Variants in STAT4 observed in about 807,000 individuals in gnomAD.
STAT4 encodes signal transducer and activator of transcription 4.
In STAT4, 42 loss-of-function variants were observed where a neutral mutation model predicts 110.5. That is an observed-to-expected ratio of 0.38 (90% CI 0.30 to 0.49). The LOEUF is 0.49. Among genes scored for constraint, STAT4 ranks in the 20% least tolerant of loss-of-function variants. The pLI is 0.95. For synonymous variants in STAT4, 284 were observed against 302.2 expected (o/e 0.94, Z 0.63); for missense variants, 632 against 887.9 (o/e 0.71, Z 3.66).
Position 191,060,951 on chromosome 2 carries a change from G to A in STAT4, c.1034+778C>T, listed in dbSNP as rs191347062. 2.1e-4 allele frequency among the ~76,000 whole-genome samples: 32 copies of A among 152,230 alleles called. No homozygotes were observed. The East Asian group carries it at 4.6e-3, about 22-fold the overall frequency. On this transcript the variant is annotated intron_variant, in intron 10 of 23. Coordinates refer to ENST00000392320, the MANE Select transcript of STAT4 (RefSeq NM_003151.4). The surrounding 1 kb of genome is among the most constrained non-coding windows in gnomAD (Gnocchi z 4.5). ...CCATGGCATCACCACCTCTTGACCTGTTAGTCTGTGGTTTCAGCTTTCCAG... is the reference window on the plus strand; with the variant it reads ...CCATGGCATCACCACCTCTTGACCTATTAGTCTGTGGTTTCAGCTTTCCAG...
rs3024839 is a variant in STAT4 at position 191,076,256 on chromosome 2, T to C, written c.343A>G (p.Ile115Val). The C allele has an allele frequency of 5.1e-4, 821 of 1,613,904 alleles. 3 individuals are homozygous for C. In the African/African-American group the frequency reaches 9.7e-3, roughly 19 times the overall value. Residue 115 changes from isoleucine (I) to valine (V), a missense_variant, in exon 4 of 24, where the codon ATA becomes GTA. Physicochemically the swap from Ile to Val is conservative, Grantham distance 29 (BLOSUM62 3). This residue lies in a region of STAT4 where 488 missense variants were observed against 632.8 expected (regional missense o/e 0.77). Coordinates refer to ENST00000392320, the MANE Select transcript of STAT4 (RefSeq NM_003151.4). ...ACAGGCATGTTGGCTGCAGCCAATA[T>C]TCTCCTCTCTTCCCTTAAACAGTTT... ...ISNCLREERR[I>V]LAAANMPVQG...
intron 3 of STAT4, among the ~76,000 whole-genome samples, chr2:191,124,211 C>T (rs1446376571): frequency 3.9e-5 from 6 of 152,112 alleles, no homozygotes. Flanking sequence ...AATCCCAGCA[C>T]CTTGGGACGC....
intron 14 of STAT4, among the ~76,000 whole-genome samples, chr2:191,045,129 AT>A (rs1259276917): frequency 6.6e-6 from 1 of 152,258 alleles, no homozygotes; most frequent in Non-Finnish European, 1.5e-5. Flanking sequence ...AGTTAGACAT[AT>A]AAAATTTAAA....
At chr2:191,124,243 TCAAGAGATGGAGAC>T (rs1381895668) in intron 3 of STAT4, among the ~76,000 whole-genome samples, 2 of 151,800 alleles carry the variant, frequency 1.3e-5, no homozygotes, top group Admixed American at 1.3e-4. Context: ...GATTGCGAGG[TCAAGAGATGGAGAC>T]CATCCTGGCC....
rs1374894925 is a variant in STAT4, at chr2:191,053,973, C to T, written c.1251+517G>A. Among the ~76,000 whole-genome samples, 1 of 151,782 alleles carries T rather than the reference C, an allele frequency of 6.6e-6. No individual in the cohort carries two copies. Among genetic ancestry groups the T allele is most frequent in the Non-Finnish European group, 1.5e-5 (1 of 67,910 alleles). Reference sequence around the variant, plus strand: ...TGGGACTCTGTCTCTACGAAAAATACAAAAACTAGCCAGGTATGGTGGCAC... The same window carrying T: ...TGGGACTCTGTCTCTACGAAAAATATAAAAACTAGCCAGGTATGGTGGCAC... On this transcript the variant is annotated intron_variant, in intron 14 of 23. Transcript: ENST00000392320. This position sits in a 1 kb window ranked among gnomAD's most constrained non-coding sequence, Gnocchi z 4.5.
At chr2:191,148,913 C>G (rs1699523942) in intron 1 of STAT4, among the ~76,000 whole-genome samples, 1 of 152,170 alleles carries the variant, frequency 6.6e-6, no homozygotes, top group Non-Finnish European at 1.5e-5. Flanking sequence ...TGAGAAACAT[C>G]TGATAGTGGT....
rs1697361766 is a variant in STAT4, at chr2:191,077,967, T to A, written c.274-1642A>T. Among the ~76,000 whole-genome samples, 1 of 152,154 alleles carries A rather than the reference T, an allele frequency of 6.6e-6. No individual in the cohort carries two copies. Among genetic ancestry groups the A allele is most frequent in the Admixed American group, 6.6e-5 (1 of 15,266 alleles). On this transcript the variant is annotated intron_variant, in intron 3 of 23. Coordinates refer to ENST00000392320, the MANE Select transcript of STAT4 (RefSeq NM_003151.4). This position sits in a 1 kb window ranked among gnomAD's most constrained non-coding sequence, Gnocchi z 4.1. ...ATTTCCGTGTGTCGACAATTTCAGA[T>A]TCTCTCTAGTTAGAATTTGTTCCTG...
In STAT4 at chr2:191,090,704, G is replaced by A. The variant is rs1244152453; in HGVS notation, c.274-14379C>T. ...GCCTCCCGAGCAGCTGGGACTAGAG[G>A]CACCCGCCACCATGCCCGGCTAATT... On this transcript the variant is annotated intron_variant, in intron 3 of 23. Coordinates refer to ENST00000392320, the MANE Select transcript of STAT4 (RefSeq NM_003151.4). The surrounding 1 kb of genome is among the most constrained non-coding windows in gnomAD (Gnocchi z 4.2). Among the ~76,000 whole-genome samples, 1 of 152,038 alleles carries A rather than the reference G, an allele frequency of 6.6e-6. No individual in the cohort carries two copies. The highest frequency in any genetic ancestry group is 1.5e-5 in the Non-Finnish European group (1 of 68,008).
chr2:191,099,872 G>A lies in STAT4; in HGVS notation c.274-23547C>T, dbSNP rs1384659599. Among the ~76,000 whole-genome samples, 1 of 152,110 alleles carries A rather than the reference G, an allele frequency of 6.6e-6. No individual in the cohort carries two copies. The highest frequency in any genetic ancestry group is 2.4e-5 in the African/African-American group (1 of 41,452). The stretch of plus-strand genomic sequence containing the variant: ...TATGGAAAATTACATGAGTGTGTAT[G>A]CAGTAAAAGTATGAAAAGTTGGTGA... On this transcript the variant is annotated intron_variant, in intron 3 of 23. Coordinates refer to ENST00000392320, the MANE Select transcript of STAT4 (RefSeq NM_003151.4). The surrounding 1 kb of genome is among the most constrained non-coding windows in gnomAD (Gnocchi z 4.1).
rs1439799228 is a variant in STAT4, at chr2:191,138,501, C to T, written c.273+8112G>A. 6.6e-6 allele frequency among the ~76,000 whole-genome samples: 1 copy of T among 152,054 alleles called. No individual in the cohort carries two copies. Among genetic ancestry groups the T allele is most frequent in the African/African-American group, 2.4e-5 (1 of 41,396 alleles). On this transcript the variant is annotated intron_variant, in intron 3 of 23. Coordinates refer to ENST00000392320, the MANE Select transcript of STAT4 (RefSeq NM_003151.4). The surrounding 1 kb of genome is among the most constrained non-coding windows in gnomAD (Gnocchi z 4.3). ...CTTTTATGTGCACAAACTAGGAAAT[C>T]TAGAGGAGATAGATAAATTCCTGGA...
Position 191,064,950 on chromosome 2 carries a change from G to C in STAT4, c.639C>G (p.Leu213=), listed in dbSNP as rs1458554087. The C allele has an allele frequency of 4.4e-6, 7 of 1,598,884 alleles. No individual in the cohort carries two copies. Among genetic ancestry groups the C allele is most frequent in the Non-Finnish European group, 5.1e-6 (6 of 1,173,674 alleles). ...CATGGATGATTTGGGTCATTTTACT[G>C]AGAGCCTCCTAAAAACAAAGGGGAC... is the stretch of plus-strand genomic sequence containing the variant. ...NSLDFKRKEA[L]SKMTQIIHET... Residue 213 remains leucine, a synonymous_variant, in exon 8 of 24, where the codon CTC becomes CTG. Coordinates refer to ENST00000392320, the MANE Select transcript of STAT4 (RefSeq NM_003151.4).
At chr2:191,087,883 AT>A (rs1459111029) in intron 3 of STAT4, among the ~76,000 whole-genome samples, 1 of 152,084 alleles carries the variant, frequency 6.6e-6, no homozygotes, top group Admixed American at 6.6e-5. Context: ...GAATAGTGAA[AT>A]TTCTCAACTT....
In STAT4 at chr2:191,059,361, T is replaced by G. The variant is rs1257175540; in HGVS notation, c.1035-592A>C. ...TCAGTATAAAAATTCCTTTAATTCC[T>G]TCTGGTGTCAGCCCATCCTTTATTC... is the stretch of plus-strand genomic sequence containing the variant. On this transcript the variant is annotated intron_variant, in intron 10 of 23. Coordinates refer to ENST00000392320, the MANE Select transcript of STAT4 (RefSeq NM_003151.4). The surrounding 1 kb of genome is among the most constrained non-coding windows in gnomAD (Gnocchi z 4.7). 2.6e-5 allele frequency among the ~76,000 whole-genome samples: 4 copies of G among 152,352 alleles called. No individual in the cohort carries two copies. The highest frequency in any genetic ancestry group is 9.6e-5 in the African/African-American group (4 of 41,582).
In STAT4 at chr2:191,143,829, A is replaced by ATTTT. The variant is rs1699395396; in HGVS notation, c.273+2780_273+2783dup. Among the ~76,000 whole-genome samples the ATTTT allele has an allele frequency of 6.6e-6, 1 of 151,616 alleles. No individual in the cohort carries two copies. Among genetic ancestry groups the ATTTT allele is most frequent in the African/African-American group, 2.4e-5 (1 of 41,252 alleles). The stretch of plus-strand genomic sequence containing the variant: ...TTTTTTGTGGGGAAGAGAGGATCTT[A>ATTTT]TTTTTTAAAAAAGACTCATCATACC... On this transcript the variant is annotated intron_variant, in intron 3 of 23. Coordinates refer to ENST00000392320, the MANE Select transcript of STAT4 (RefSeq NM_003151.4). The surrounding 1 kb of genome is among the most constrained non-coding windows in gnomAD (Gnocchi z 5.6).
chr2:191,052,344 C>T (rs1215817868), intron 14 of STAT4, among the ~76,000 whole-genome samples: 2 of 152,104 alleles, frequency 1.3e-5, no homozygotes, highest in Non-Finnish European at 2.9e-5. Context: ...ATTCTGCCAA[C>T]AGGTGGAGCT....
chr2:191,120,807 C>T, intron 3 of STAT4, among the ~76,000 whole-genome samples: 1 of 152,154 alleles, frequency 6.6e-6, no homozygotes, highest in Non-Finnish European at 1.5e-5. Flanking sequence ...AGACCTAAAA[C>T]CATAAAAACC....
At chr2:191,071,974 GGCC>G (rs1418076509) in intron 5 of STAT4, among the ~76,000 whole-genome samples, 2 of 152,194 alleles carry the variant, frequency 1.3e-5, no homozygotes, top group East Asian at 3.9e-4. Flanking sequence ...CAAGATGTCG[GGCC>G]TCTCTCCCCA....
At chr2:191,119,084 T>A (rs1698649672) in intron 3 of STAT4, among the ~76,000 whole-genome samples, 1 of 152,158 alleles carries the variant, frequency 6.6e-6, no homozygotes, top group Non-Finnish European at 1.5e-5. Context: ...CTGGTTTCGA[T>A]GCACAGAGTT....
chr2:191,125,085 G>C (rs1192231779), intron 3 of STAT4, among the ~76,000 whole-genome samples: 2 of 152,206 alleles, frequency 1.3e-5, no homozygotes, highest in South Asian at 2.1e-4. Context: ...TAGCTACAGA[G>C]AGCCAATGAA....
Sources: allele counts gnomAD v4.1 joint callset (sites outside exome capture counted in the v4.1 genomes callset), GRCh38; gene constraint gnomAD v4.1.1; regional missense constraint gnomAD v4.1.1; non-coding constraint Gnocchi (gnomAD v3.1); transcripts MANE v1.5; gene names NCBI Gene and HGNC (gene_info 2026-07-23, HGNC 2026-07-21).